Variants in DCAF6 observed in about 807,000 individuals in gnomAD.
The protein encoded by DCAF6 is DDB1- and CUL4-associated factor 6.
Under a neutral mutation model 125.1 loss-of-function variants are expected in DCAF6, and 54 were observed. The observed-to-expected ratio is 0.43, with a 90% CI of 0.35 to 0.54. The LOEUF is 0.54. Among genes scored for constraint, DCAF6 ranks in the 20% least tolerant of loss-of-function variants. The pLI, the probability that DCAF6 is intolerant of heterozygous loss-of-function variation, is 0.01. For synonymous variants in DCAF6, 371 were observed against 390.4 expected, an observed-to-expected ratio of 0.95 and a Z score of 0.58; for missense variants, 934 against 1,161.7, an observed-to-expected ratio of 0.80 and a Z score of 2.85.
At chr1:167,961,931 TTTAAAATTTCTCTTG>T (rs1675664211) in intron 2 of DCAF6, among the ~76,000 whole-genome samples, 1 of 152,240 alleles carries the variant, frequency 6.6e-6, no homozygotes, top group African/African-American at 2.4e-5. Flanking sequence ...TTCAGAATCT[TTTAAAATTTCTCTTG>T]AGATTTCTTC....
At chr1:167,872,270 G>A in the DCAF6 span, among the ~76,000 whole-genome samples, 2 of 151,896 alleles carry the variant, frequency 1.3e-5, no homozygotes, top group African/African-American at 4.8e-5. Context: ...CCTGGGAGGC[G>A]GAGGTTACAG....
chr1:168,029,490 G>A (rs985082397), intron 12 of DCAF6, among the ~76,000 whole-genome samples: 1 of 152,112 alleles, frequency 6.6e-6, no homozygotes, highest in Non-Finnish European at 1.5e-5. Flanking sequence ...TTCTGTACTG[G>A]GAGCATTGAG....
the DCAF6 span, chr1:167,870,507 C>T: frequency 8.7e-7 from 1 of 1,145,348 alleles, no homozygotes; most frequent in Non-Finnish European, 1.3e-6. Context: ...TAAAAATATC[C>T]TTGGGCCAGG....
chr1:167,952,126 A>G (rs1674048108), intron 2 of DCAF6, among the ~76,000 whole-genome samples: 1 of 152,160 alleles, frequency 6.6e-6, no homozygotes, highest in Non-Finnish European at 1.5e-5. Context: ...ATGTCTCCAA[A>G]TGTGGTGTTC....
chr1:167,949,872 C>T (rs982618931), intron 1 of DCAF6, among the ~76,000 whole-genome samples: 2 of 152,136 alleles, frequency 1.3e-5, no homozygotes, highest in Non-Finnish European at 2.9e-5. Context: ...CTTGGTATTA[C>T]ATTTAATTAC....
chr1:168,049,669 T>C (rs1689634394), intron 16 of DCAF6, among the ~76,000 whole-genome samples: 1 of 140,966 alleles, frequency 7.1e-6, no homozygotes, highest in African/African-American at 2.7e-5. Context: ...TTTTTTTTTT[T>C]TTTGGAGACG....
chr1:167,997,063 T>C (rs1444003104), intron 7 of DCAF6, among the ~76,000 whole-genome samples: 1 of 152,188 alleles, frequency 6.6e-6, no homozygotes, highest in South Asian at 2.1e-4. Context: ...GTTTTGTCCA[T>C]TGTTGTTTTC....
the DCAF6 span, chr1:167,896,786 CTGAACAGTGAT>C: frequency 1.2e-6 from 1 of 867,060 alleles, no homozygotes; most frequent in Middle Eastern, 3.4e-4. Context: ...ATGCTTTTGA[CTGAACAGTGAT>C]TGGCACACTT....
chr1:168,028,425 G>A lies in DCAF6; in HGVS notation c.1609+5378G>A, dbSNP rs146431276. 1.8e-3 allele frequency among the ~76,000 whole-genome samples: 279 copies of A among 152,298 alleles called. 1 individual carries two copies. Among genetic ancestry groups the A allele is most frequent in the African/African-American group, 6.4e-3 (267 of 41,578 alleles). On this transcript the variant is annotated intron_variant, in intron 12 of 21. Coordinates refer to ENST00000367840, the MANE Select transcript of DCAF6 (RefSeq NM_001198956.2). ...AACAAGTTGCTTTCTATTCCTTACA[G>A]TGATTCCATTAAGTGGAAGTTGACA...
At chr1:167,880,659 A>G in the DCAF6 span, 1 of 1,405,150 alleles carries the variant, frequency 7.1e-7, no homozygotes, top group Non-Finnish European at 1.0e-6. Flanking sequence ...TGTGCTTTAA[A>G]CTGGACTGGC....
At chr1:168,018,402 C>T (rs1372354650) in intron 11 of DCAF6, among the ~76,000 whole-genome samples, 1 of 152,088 alleles carries the variant, frequency 6.6e-6, no homozygotes, top group East Asian at 1.9e-4. Flanking sequence ...CACTCTTTGT[C>T]ATCAGTCTTA....
chr1:168,043,192 A>G (rs550244646), intron 14 of DCAF6, 52 bp downstream of exon 14: 9 of 1,331,810 alleles, frequency 6.8e-6, no homozygotes, highest in East Asian at 2.3e-5. Context: ...TTGGATGTTT[A>G]TCTACTTTCC....
intron 13 of DCAF6, among the ~76,000 whole-genome samples, chr1:168,040,880 T>C (rs1297757447): frequency 6.9e-6 from 1 of 144,476 alleles, no homozygotes; most frequent in Admixed American, 6.8e-5. Flanking sequence ...GTATTCAACA[T>C]TCATTGTAAA....
chr1:168,036,108 C>T (rs533238469), intron 12 of DCAF6, among the ~76,000 whole-genome samples: 1 of 152,162 alleles, frequency 6.6e-6, no homozygotes, highest in South Asian at 2.1e-4. Context: ...GTAGTAGATA[C>T]TGTAGGAAGA....
Position 167,936,929 on chromosome 1 carries a change from C to T in DCAF6, c.18C>T (p.Ser6=). ...GCAGAGCCATGTCTCGGGGTGGCTCCTACCCACACCTGTTGTGGGACGTGA... is the reference window on the plus strand; with the variant it reads ...GCAGAGCCATGTCTCGGGGTGGCTCTTACCCACACCTGTTGTGGGACGTGA... MSRGG[S]YPHLLWDVRK... is the part of the protein sequence containing the mutation. The change falls in exon 1 of 22, where the codon TCC becomes TCT. Residue 6 remains serine (S), a synonymous_variant. Transcript: ENST00000367840. The T allele has an allele frequency of 4.4e-6, 7 of 1,607,644 alleles. No homozygotes were observed. The highest frequency in any genetic ancestry group is 5.9e-6 in the Non-Finnish European group (7 of 1,178,032).
At chr1:167,871,900 A>C in the DCAF6 span, among the ~76,000 whole-genome samples, 1 of 152,246 alleles carries the variant, frequency 6.6e-6, no homozygotes, top group Non-Finnish European at 1.5e-5. Flanking sequence ...AATGAAGCTC[A>C]CATAGGAACT....
chr1:167,997,307 T>TAGAA (rs1435202770), intron 7 of DCAF6, among the ~76,000 whole-genome samples: 1 of 152,226 alleles, frequency 6.6e-6, no homozygotes, highest in African/African-American at 2.4e-5. Flanking sequence ...CAAGATTCTA[T>TAGAA]TATATTGTTT....
intron 2 of DCAF6, among the ~76,000 whole-genome samples, chr1:167,960,501 G>A (rs550153739): frequency 7.9e-5 from 12 of 151,830 alleles, no homozygotes; most frequent in Non-Finnish European, 1.3e-4. Context: ...GGGTGGTCTC[G>A]AACCACCAGC....
chr1:167,926,458 G>A, the DCAF6 span, among the ~76,000 whole-genome samples: 21 of 152,174 alleles, frequency 1.4e-4, no homozygotes, highest in Middle Eastern at 3.4e-3. Context: ...ACATTTTTAC[G>A]AAGGGAAAAA....
Sources: allele counts gnomAD v4.1 joint callset (sites outside exome capture counted in the v4.1 genomes callset), GRCh38; gene constraint gnomAD v4.1.1; transcripts MANE v1.5; gene names NCBI Gene and HGNC (gene_info 2026-07-23, HGNC 2026-07-21).